The following DNAH7 variants were observed in gnomAD, a reference collection of about 807,000 sequenced individuals.
DNAH7 encodes the protein dynein axonemal heavy chain 7, also known as axonemal beta dynein heavy chain 7.
Under a neutral mutation model 444.6 loss-of-function variants are expected in DNAH7, and 397 were observed. That is an observed-to-expected ratio of 0.89 (90% CI 0.82 to 0.97). The LOEUF is 0.97. Ranked by LOEUF, DNAH7 falls within the 50% of genes least tolerant of loss-of-function variation. The pLI is 0.00. For synonymous variants in DNAH7, 1,636 were observed against 1,624.4 expected, an observed-to-expected ratio of 1.01 and a Z score of -0.17; for missense variants, 4,902 against 4,800.8, an observed-to-expected ratio of 1.02 and a Z score of -0.62.
intron 21 of DNAH7, among the ~76,000 whole-genome samples, chr2:195,928,522 T>C (rs1053577252): frequency 2.6e-5 from 4 of 152,166 alleles, no homozygotes; most frequent in African/African-American, 9.6e-5. Flanking sequence ...GTAATGCTAT[T>C]TGTCAATATT....
chr2:196,061,373 G>T (rs1267407006), intron 1 of DNAH7, among the ~76,000 whole-genome samples: 1 of 151,932 alleles, frequency 6.6e-6, no homozygotes, highest in Non-Finnish European at 1.5e-5. Flanking sequence ...TCCTATATTT[G>T]ATTTTTGCTC....
intron 46 of DNAH7, among the ~76,000 whole-genome samples, chr2:195,852,911 C>G (rs1259903736): frequency 7.9e-6 from 1 of 125,868 alleles, no homozygotes; most frequent in Non-Finnish European, 1.7e-5. Flanking sequence ...CACACACACA[C>G]ACACAGAGAG....
chr2:195,976,724 A>G (rs1019937640), intron 15 of DNAH7, among the ~76,000 whole-genome samples: 1 of 146,390 alleles, frequency 6.8e-6, no homozygotes. Context: ...AGCTTAGCAG[A>G]CAGAGAGAGA....
intron 21 of DNAH7, among the ~76,000 whole-genome samples, chr2:195,927,455 A>C (rs1187626311): frequency 3.3e-5 from 5 of 152,074 alleles, no homozygotes; most frequent in Non-Finnish European, 2.9e-5. Flanking sequence ...AGAGCAGAAG[A>C]AGCCACGGAA....
chr2:195,906,125 C>A (rs1687001044), intron 27 of DNAH7, among the ~76,000 whole-genome samples: 1 of 151,856 alleles, frequency 6.6e-6, no homozygotes, highest in African/African-American at 2.4e-5. Flanking sequence ...AGTGTGTTTC[C>A]AGCATTGTAA....
intron 10 of DNAH7, among the ~76,000 whole-genome samples, chr2:196,012,563 A>C (rs184410759): frequency 2.3e-4 from 35 of 152,310 alleles, no homozygotes; most frequent in African/African-American, 7.7e-4. Context: ...ACACTTAGAA[A>C]AAAGTAACCA....
intron 57 of DNAH7, among the ~76,000 whole-genome samples, chr2:195,788,356 A>G (rs1039495373): frequency 6.6e-6 from 1 of 152,246 alleles, no homozygotes; most frequent in African/African-American, 2.4e-5. Context: ...AAGGTGAGAC[A>G]CTGGGAAGTG....
intron 33 of DNAH7, 101 bp from the exon 34 acceptor site, chr2:195,886,373 G>T: frequency 9.0e-7 from 1 of 1,113,430 alleles, no homozygotes; most frequent in Non-Finnish European, 1.3e-6. Context: ...TTAACAGGTA[G>T]TAATAATTTT....
rs182958932 is a variant in DNAH7, at chr2:195,864,263, A to G, written c.7392T>C (p.His2464=). 126 of 1,614,186 alleles carry G rather than the reference A, an allele frequency of 7.8e-5. No homozygotes were observed. Among genetic ancestry groups the G allele is most frequent in the Middle Eastern group, 1.6e-4 (1 of 6,062 alleles). Reference sequence around the variant, plus strand: ...GGACCACATGCAGTTGGCTGCGGCAATGATCAATAAACATGTTGAAAAGGG... The same window carrying G: ...GGACCACATGCAGTTGGCTGCGGCAGTGATCAATAAACATGTTGAAAAGGG... ...PIALFNMFID[H]CRSQLHVVLA... is the part of the protein sequence containing the mutation. The change falls in exon 41 of 65, where the codon CAT becomes CAC. Residue 2464 remains histidine, a synonymous_variant. Transcript: ENST00000312428.
Position 195,957,250 on chromosome 2 carries a change from T to C in DNAH7, c.3078+11A>G. The C allele has an allele frequency of 1.3e-6, 2 of 1,484,858 alleles. No homozygotes were observed. Among genetic ancestry groups the C allele is most frequent in the Non-Finnish European group, 9.0e-7 (1 of 1,105,878 alleles). The allele number at this position is 1,484,858 out of a possible 1,614,324, so 92.0% of individuals were successfully genotyped here. On this transcript the variant is annotated intron_variant, in intron 19 of 64. Coordinates refer to ENST00000312428, the MANE Select transcript of DNAH7 (RefSeq NM_018897.3). ...CCAAATAATGACATTTTTGGAGATT[T>C]TTTCACCTACCTGCATGACACTTCT...
intron 64 of DNAH7, among the ~76,000 whole-genome samples, chr2:195,738,469 T>C (rs903827355): frequency 2.0e-5 from 3 of 152,000 alleles, no homozygotes; most frequent in African/African-American, 7.2e-5. Flanking sequence ...ATACTGAGAA[T>C]CATGTGCCTT....
chr2:195,871,580 A>G (rs1700690633), intron 40 of DNAH7, among the ~76,000 whole-genome samples: 1 of 152,060 alleles, frequency 6.6e-6, no homozygotes, highest in Non-Finnish European at 1.5e-5. Context: ...TAGTAATACT[A>G]TACAAATAAG....
At chr2:195,968,121 T>C (rs1352227921) in intron 17 of DNAH7, among the ~76,000 whole-genome samples, 1 of 152,138 alleles carries the variant, frequency 6.6e-6, no homozygotes, top group East Asian at 1.9e-4. Context: ...GGCTCCCCTC[T>C]GGCCCATGGC....
rs533575317 is a variant in DNAH7, at chr2:195,891,802, C to T, written c.4899G>A (p.Gly1633=). The change falls in exon 31 of 65, where the codon GGG becomes GGA. Residue 1633 remains glycine, a splice_region_variant and synonymous_variant. Coordinates refer to ENST00000312428, the MANE Select transcript of DNAH7 (RefSeq NM_018897.3). ...TTTGAACTTTGTTTTCTTCCATTAGCCCCTTAATGAAAAAAAAAAACATTT... is the reference window on the plus strand; with the variant it reads ...TTTGAACTTTGTTTTCTTCCATTAGTCCCTTAATGAAAAAAAAAAACATTT... ...AGALNDICEK[G]LMEENKVQIT... 285 of 1,473,468 alleles carry T rather than the reference C, an allele frequency of 1.9e-4. 3 individuals carry two copies. The East Asian group carries it at 5.7e-3, about 30-fold the overall frequency. The allele number at this position is 1,473,468 out of a possible 1,614,324, so 91.3% of individuals were successfully genotyped here.
intron 10 of DNAH7, among the ~76,000 whole-genome samples, chr2:196,005,371 T>A (rs1468605748): frequency 6.7e-6 from 1 of 150,320 alleles, no homozygotes; most frequent in East Asian, 1.9e-4. Context: ...AAGAGGTAAG[T>A]CCAAACAAAA....
chr2:196,001,573 T>C (rs1694036964), intron 11 of DNAH7, 102 bp downstream of exon 11: 1 of 1,136,562 alleles, frequency 8.8e-7, no homozygotes, highest in Admixed American at 2.9e-5. Flanking sequence ...TCTAAAGATG[T>C]ACTTTCTGCC....
At chr2:195,995,474 A>G (rs1415789372) in intron 12 of DNAH7, 4 of 351,498 alleles carry the variant, frequency 1.1e-5, no homozygotes, top group Non-Finnish European at 2.2e-5. Context: ...TTTTGCCCTC[A>G]GGGGTTTTGA....
chr2:196,025,480 T>C (rs1273632825), intron 7 of DNAH7, among the ~76,000 whole-genome samples: 3 of 152,130 alleles, frequency 2.0e-5, no homozygotes, highest in East Asian at 1.9e-4. Flanking sequence ...ATGCACCCTA[T>C]GCTTTGGCTT....
At position 196,047,488 on chromosome 2, in the gene DNAH7, C is replaced by G; in HGVS notation, c.262G>C (p.Glu88Gln). The G allele has an allele frequency of 6.3e-7, 1 of 1,584,914 alleles. No individual in the cohort carries two copies. The highest frequency in any genetic ancestry group is 1.4e-5 in the African/African-American group (1 of 74,036). The change falls in exon 5 of 65, where the codon GAA becomes CAA. Residue 88 changes from glutamate (E) to glutamine (Q), a missense_variant. Coordinates refer to ENST00000312428, the MANE Select transcript of DNAH7 (RefSeq NM_018897.3). ...AATTTGCCCTTTTTTCCAAAACGTTCCATGTATTCAGCTTAAATTAAAACA... is the reference window on the plus strand; with the variant it reads ...AATTTGCCCTTTTTTCCAAAACGTTGCATGTATTCAGCTTAAATTAAAACA... ...KNEQSHAEYM[E>Q]RFGKKGKLPH...
Sources: gnomAD v4.1 joint callset for allele counts (sites outside exome capture counted in the v4.1 genomes callset) on GRCh38, gnomAD v4.1.1 for gene constraint, MANE v1.5 for transcripts, NCBI Gene and HGNC (gene_info 2026-07-23, HGNC 2026-07-21) for gene names.